The following LPIN2 variants were observed in gnomAD, a reference collection of about 807,000 sequenced individuals.
The protein encoded by LPIN2 is phosphatidate phosphatase LPIN2.
A neutral mutation model predicts 111.4 loss-of-function variants in LPIN2; 55 were observed. That is an observed-to-expected ratio of 0.49 (90% CI 0.40 to 0.62). The LOEUF is 0.62. Among genes scored for constraint, LPIN2 ranks in the 20% least tolerant of loss-of-function variants. The probability of loss-of-function intolerance (pLI) is 0.00; values close to 1 mark genes in which losing one functional copy is unlikely to be tolerated. For missense variants in LPIN2, 992 were observed against 1,112.1 expected (o/e 0.89, Z 1.54); for synonymous variants, 425 against 414.0 (o/e 1.03, Z -0.32).
chr18:2,967,779 T>C (rs938410590), intron 1 of LPIN2: 1 of 152,246 alleles, frequency 6.6e-6, no homozygotes, highest in African/African-American at 2.4e-5. Flanking sequence ...ATGCCTTACT[T>C]TGTACTTCCT....
At chr18:2,950,785 T>A (rs1009490168) in intron 4 of LPIN2, 2 of 497,042 alleles carry the variant, frequency 4.0e-6, no homozygotes, top group African/African-American at 1.9e-5. Flanking sequence ...CTAATTCAGA[T>A]CTTTTGACTT....
Position 2,925,095 on chromosome 18 carries a change from A to T in LPIN2, c.1938+129T>A. 1 of 1,221,602 alleles carries T rather than the reference A, an allele frequency of 8.2e-7. No homozygotes were observed. Among genetic ancestry groups the T allele is most frequent in the Non-Finnish European group, 1.2e-6 (1 of 849,976 alleles). 75.7% of individuals were successfully genotyped at this position (1,221,602 alleles called of 1,614,324 possible). ...CGGCGGTCGTGGTTCCACTGTGGAT[A>T]GGCATTGACACGACCATGCCGTGTG... On this transcript the variant is annotated intron_variant, in intron 14 of 19. Transcript: ENST00000677752. The surrounding 1 kb of genome is among the most constrained non-coding windows in gnomAD (Gnocchi z 4.1).
At chr18:2,975,733 A>G (rs1007738753) in intron 1 of LPIN2, among the ~76,000 whole-genome samples, 1 of 152,186 alleles carries the variant, frequency 6.6e-6, no homozygotes, top group Non-Finnish European at 1.5e-5. Flanking sequence ...TAGTAAACCT[A>G]TTTTGGTGGC....
intron 1 of LPIN2, among the ~76,000 whole-genome samples, chr18:3,002,157 G>T (rs2143477138): frequency 6.7e-6 from 1 of 150,326 alleles, no homozygotes; most frequent in Non-Finnish European, 1.5e-5. Flanking sequence ...ACTTACAGGG[G>T]GAAGGTCCAT....
chr18:2,991,110 G>C (rs1401171987), intron 1 of LPIN2: 1 of 460,326 alleles, frequency 2.2e-6, no homozygotes. Context: ...CCCTATATCA[G>C]TTTTATATTG....
At chr18:3,004,473 T>TC (rs1041562679) in intron 1 of LPIN2, among the ~76,000 whole-genome samples, 2 of 152,112 alleles carry the variant, frequency 1.3e-5, no homozygotes, top group Non-Finnish European at 2.9e-5. Context: ...GGGGGCTGGT[T>TC]CCCCCGATAC....
At chr18:2,934,105 T>C (rs2077251091) in intron 8 of LPIN2, among the ~76,000 whole-genome samples, 2 of 152,254 alleles carry the variant, frequency 1.3e-5, no homozygotes, top group African/African-American at 4.8e-5. Flanking sequence ...TATACCCTTA[T>C]GTAGGTTTAA....
intron 1 of LPIN2, among the ~76,000 whole-genome samples, chr18:2,988,012 C>CAAAAAAAAAAAAAAAAA (rs761121515): frequency 4.3e-4 from 14 of 32,346 alleles, no homozygotes; most frequent in Non-Finnish European, 8.3e-4. Context: ...GAGACTGTCT[C>CAAAAAAAAAAAAAAAAA]AAAAAAAAAA....
intron 2 of LPIN2, among the ~76,000 whole-genome samples, chr18:2,960,014 C>T (rs1385036463): frequency 1.3e-5 from 2 of 151,976 alleles, no homozygotes; most frequent in Non-Finnish European, 2.9e-5. Flanking sequence ...ACTAAAAATA[C>T]AAAAAATTAG....
chr18:3,008,941 C>A lies in LPIN2; in HGVS notation c.-10+4146G>T, dbSNP rs75814323. Among the ~76,000 whole-genome samples the A allele has an allele frequency of 3.0e-3, 412 of 137,684 alleles. 3 individuals carry two copies. Among genetic ancestry groups the A allele is most frequent in the Non-Finnish European group, 4.9e-3 (322 of 65,778 alleles). The allele number at this position is 137,684 out of a possible 152,430, so 90.3% of individuals were successfully genotyped here. ...CCATGTTGTCCAGGCTGGTCTCAAA[C>A]TCCAGGGCTCAGGCCTCATACCCAC... On this transcript the variant is annotated intron_variant, in intron 1 of 19. Coordinates refer to ENST00000677752, the MANE Select transcript of LPIN2 (RefSeq NM_001375808.2).
chr18:2,966,432 C>A (rs1285675569), intron 1 of LPIN2, among the ~76,000 whole-genome samples: 1 of 152,090 alleles, frequency 6.6e-6, no homozygotes, highest in Non-Finnish European at 1.5e-5. Flanking sequence ...TCACAGATAC[C>A]CATGGATTTG....
chr18:2,935,298 T>C (rs887834386), intron 7 of LPIN2, among the ~76,000 whole-genome samples: 2 of 151,770 alleles, frequency 1.3e-5, no homozygotes, highest in African/African-American at 4.9e-5. Flanking sequence ...AATGAGATGA[T>C]TCAAAATTAC....
chr18:2,928,153 T>A (rs528490803), intron 11 of LPIN2, among the ~76,000 whole-genome samples: 1 of 152,296 alleles, frequency 6.6e-6, no homozygotes, highest in Admixed American at 6.5e-5. Flanking sequence ...GGGGGACAGA[T>A]TAAAAACCAA....
intron 1 of LPIN2, among the ~76,000 whole-genome samples, chr18:2,967,862 T>C (rs2077832653): frequency 6.6e-6 from 1 of 152,216 alleles, no homozygotes; most frequent in African/African-American, 2.4e-5. Context: ...ATATTAGCTA[T>C]CTTTAAATTC....
chr18:2,976,682 T>C (rs1200730960), intron 1 of LPIN2, among the ~76,000 whole-genome samples: 1 of 152,174 alleles, frequency 6.6e-6, no homozygotes, highest in African/African-American at 2.4e-5. Flanking sequence ...CATGAAACTG[T>C]ACCACTTCCC....
intron 3 of LPIN2, among the ~76,000 whole-genome samples, chr18:2,953,173 G>T (rs566042010): frequency 6.6e-6 from 1 of 152,284 alleles, no homozygotes; most frequent in South Asian, 2.1e-4. Context: ...GGGAGAAAAA[G>T]GCTGGAAAGT....
At chr18:2,982,682 G>A in intron 1 of LPIN2, 1 of 1,300,892 alleles carries the variant, frequency 7.7e-7, no homozygotes, top group South Asian at 1.2e-5. Flanking sequence ...ATACCAGGAG[G>A]GGACTTGTCA....
chr18:2,934,492 T>C (rs2077257948), intron 7 of LPIN2, 42 bp from the exon 8 acceptor site: 1 of 1,283,622 alleles, frequency 7.8e-7, no homozygotes, highest in Admixed American at 1.7e-5. Flanking sequence ...TAGTTATTCT[T>C]CATTTACAGC....
chr18:2,971,770 G>C (rs2077918477), intron 1 of LPIN2, among the ~76,000 whole-genome samples: 1 of 147,674 alleles, frequency 6.8e-6, no homozygotes, highest in Non-Finnish European at 1.5e-5. Flanking sequence ...AAAACAGGCT[G>C]GGTGCGGTGG....
Sources: gnomAD v4.1 joint callset for allele counts (sites outside exome capture counted in the v4.1 genomes callset) on GRCh38, gnomAD v4.1.1 for gene constraint, Gnocchi (gnomAD v3.1) non-coding constraint, MANE v1.5 for transcripts, NCBI Gene and HGNC (gene_info 2026-07-23, HGNC 2026-07-21) for gene names.